Variants in KLHL29 observed in about 807,000 individuals in gnomAD.
KLHL29 encodes kelch like family member 29.
KLHL29 carries 21 observed loss-of-function variants against 80.4 expected under a neutral mutation model. The ratio of observed to expected loss-of-function variants is 0.26; its 90% CI spans 0.19 to 0.38. The LOEUF (loss-of-function observed/expected upper bound fraction) is 0.38, where lower values mean the gene tolerates loss of function less well. Ranked by LOEUF, KLHL29 falls within the 10% of genes least tolerant of loss-of-function variation. KLHL29 has a pLI of 1.00. For synonymous variants in KLHL29, 511 were observed against 526.8 expected, an observed-to-expected ratio of 0.97 and a Z score of 0.41; for missense variants, 867 against 1,223.9, an observed-to-expected ratio of 0.71 and a Z score of 4.35.
chr2:23,703,741 C>T lies in KLHL29; in HGVS notation c.2322C>T (p.Val774=). The T allele has an allele frequency of 6.5e-7, 1 of 1,537,036 alleles. No homozygotes were observed. Among genetic ancestry groups the T allele is most frequent in the Non-Finnish European group, 8.7e-7 (1 of 1,146,776 alleles). Residue 774 remains valine (V), a synonymous_variant, in exon 13 of 14, where the codon GTC becomes GTT. Transcript: ENST00000486442. ...PMIDNKYAPA[V]TLNGFVFILG... is the part of the protein sequence containing the mutation. ...CAGACAACAAGTATGCCCCCGCTGT[C>T]ACGCTCAATGGCTTCGTTTTCATCC...
chr2:23,507,686 G>A (rs1174982364), intron 2 of KLHL29, among the ~76,000 whole-genome samples: 2 of 152,188 alleles, frequency 1.3e-5, no homozygotes, highest in Admixed American at 6.5e-5. Flanking sequence ...CAGTTTGGAG[G>A]GACCTGGCCT....
At chr2:23,650,403 G>C (rs1670059066) in intron 5 of KLHL29, among the ~76,000 whole-genome samples, 1 of 152,188 alleles carries the variant, frequency 6.6e-6, no homozygotes, top group African/African-American at 2.4e-5. Context: ...GTCCTGATTT[G>C]AGATAGGGTC....
rs116380571 is a variant in KLHL29 at position 23,590,919 on chromosome 2, C to A, written c.285+28438C>A. On this transcript the variant is annotated intron_variant, in intron 3 of 13. Transcript: ENST00000486442. ...CTGAAGTGAGAGGCCCTGATCGCCA[C>A]AGACGTCCCTGCCGCTGGGAGCTCA... is the stretch of plus-strand genomic sequence containing the variant. Among the ~76,000 whole-genome samples, 927 of 152,288 alleles carry A rather than the reference C, an allele frequency of 6.1e-3. 9 individuals are homozygous for A. The highest frequency in any genetic ancestry group is 0.021 in the African/African-American group (868 of 41,548).
intron 5 of KLHL29, among the ~76,000 whole-genome samples, chr2:23,646,585 A>G (rs538323529): frequency 6.6e-6 from 1 of 152,320 alleles, no homozygotes; most frequent in South Asian, 2.1e-4. Context: ...GTGAGGGGTC[A>G]TGAGGATCCA....
intron 2 of KLHL29, among the ~76,000 whole-genome samples, chr2:23,485,047 T>TC (rs1664895136): frequency 6.6e-6 from 1 of 152,210 alleles, no homozygotes; most frequent in African/African-American, 2.4e-5. Flanking sequence ...GCTTCCTGGT[T>TC]CCGGTGTGGT....
intron 1 of KLHL29, among the ~76,000 whole-genome samples, chr2:23,460,089 A>G (rs1336085721): frequency 2.0e-5 from 3 of 152,230 alleles, no homozygotes; most frequent in Non-Finnish European, 4.4e-5. Flanking sequence ...TCAGTTAGCA[A>G]ACTGTGTATC....
Position 23,662,797 on chromosome 2 carries a change from G to A in KLHL29, c.940+19947G>A, listed in dbSNP as rs72792082. 8.2e-3 allele frequency among the ~76,000 whole-genome samples: 1,245 copies of A among 152,302 alleles called. 6 individuals are homozygous for A. Among genetic ancestry groups the A allele is most frequent in the Middle Eastern group, 0.017 (5 of 294 alleles). ...TTGGACTTGGGCTTTACCTTCCCAGGGAACCCCTAAATCTTCCTGGGCCCC... is the reference window on the plus strand; with the variant it reads ...TTGGACTTGGGCTTTACCTTCCCAGAGAACCCCTAAATCTTCCTGGGCCCC... On this transcript the variant is annotated intron_variant, in intron 5 of 13. Coordinates refer to ENST00000486442, the MANE Select transcript of KLHL29 (RefSeq NM_052920.2).
At chr2:23,458,981 G>A (rs2103426862) in intron 1 of KLHL29, among the ~76,000 whole-genome samples, 1 of 152,346 alleles carries the variant, frequency 6.6e-6, no homozygotes, top group East Asian at 1.9e-4. Flanking sequence ...AAGGATTCAG[G>A]AGAACCAAGT....
chr2:23,662,178 A>G (rs1172004704), intron 5 of KLHL29, among the ~76,000 whole-genome samples: 2 of 152,188 alleles, frequency 1.3e-5, no homozygotes, highest in African/African-American at 4.8e-5. Flanking sequence ...CAGCAAAAGT[A>G]ATGCTGAAAA....
At chr2:23,633,620 G>A (rs996049227) in intron 3 of KLHL29, among the ~76,000 whole-genome samples, 3 of 152,224 alleles carry the variant, frequency 2.0e-5, no homozygotes, top group Middle Eastern at 3.4e-3. Context: ...GTAACCCTTG[G>A]TGATGTTCAG....
chr2:23,635,859 G>A (rs1433084671), intron 3 of KLHL29, among the ~76,000 whole-genome samples: 1 of 152,264 alleles, frequency 6.6e-6, no homozygotes, highest in Non-Finnish European at 1.5e-5. Flanking sequence ...TGTCCCAGAT[G>A]ATGGCAGTGG....
At chr2:23,656,920 C>G (rs1670261993) in intron 5 of KLHL29, among the ~76,000 whole-genome samples, 1 of 147,030 alleles carries the variant, frequency 6.8e-6, no homozygotes, top group South Asian at 2.2e-4. Flanking sequence ...CCCCTCCCCT[C>G]GTCCCCAACA....
intron 4 of KLHL29, 24 bp downstream of exon 4, chr2:23,639,304 A>C (rs1049635973): frequency 1.3e-6 from 2 of 1,542,648 alleles, no homozygotes; most frequent in Non-Finnish European, 1.7e-6. Flanking sequence ...CGGCAGATAG[A>C]AACGACTGAG....
At chr2:23,630,327 T>C (rs1452319643) in intron 3 of KLHL29, among the ~76,000 whole-genome samples, 1 of 152,166 alleles carries the variant, frequency 6.6e-6, no homozygotes, top group Non-Finnish European at 1.5e-5. Flanking sequence ...AGCCTTGATA[T>C]GGCTGAGTCC....
intron 3 of KLHL29, among the ~76,000 whole-genome samples, chr2:23,610,496 C>T (rs1213470136): frequency 1.3e-5 from 2 of 152,328 alleles, no homozygotes; most frequent in East Asian, 1.9e-4. Context: ...AGTTTAAAGA[C>T]GTGGTCATCT....
In KLHL29 at chr2:23,504,275, C is replaced by T. The variant is rs142092774; in HGVS notation, c.-46+28608C>T. Reference sequence around the variant, plus strand: ...AGAGACAAATGTCAGAGATCTAGAACGTTAATTTATTTGGAAAAAGTTCAA... The same window carrying T: ...AGAGACAAATGTCAGAGATCTAGAATGTTAATTTATTTGGAAAAAGTTCAA... On this transcript the variant is annotated intron_variant, in intron 2 of 13. Transcript: ENST00000486442. Among the ~76,000 whole-genome samples, 473 of 152,220 alleles carry T rather than the reference C, an allele frequency of 3.1e-3. 4 individuals are homozygous for T. The highest frequency in any genetic ancestry group is 0.011 in the African/African-American group (444 of 41,538).
chr2:23,420,911 C>T (rs918699944), intron 1 of KLHL29, among the ~76,000 whole-genome samples: 8 of 152,202 alleles, frequency 5.3e-5, no homozygotes, highest in East Asian at 1.9e-4. Flanking sequence ...ATCTCACACC[C>T]TCCCAGAAGC....
intron 8 of KLHL29, among the ~76,000 whole-genome samples, chr2:23,693,750 G>C (rs547600470): frequency 6.6e-6 from 1 of 152,370 alleles, no homozygotes; most frequent in African/African-American, 2.4e-5. Context: ...AAGAGCCGCA[G>C]CACCTGCACT....
chr2:23,431,644 G>A (rs1182073272), intron 1 of KLHL29, among the ~76,000 whole-genome samples: 5 of 152,124 alleles, frequency 3.3e-5, no homozygotes, highest in African/African-American at 9.7e-5. Flanking sequence ...TGTAATCCCA[G>A]CACTTTGGGA....
Sources: gnomAD v4.1 joint callset for allele counts (sites outside exome capture counted in the v4.1 genomes callset) on GRCh38, gnomAD v4.1.1 for gene constraint, MANE v1.5 for transcripts, NCBI Gene and HGNC (gene_info 2026-07-23, HGNC 2026-07-21) for gene names.